Variants in NUP62CL observed in about 807,000 individuals in gnomAD.
NUP62CL encodes nucleoporin 62 C-terminal like, also known as nucleoporin-62 C-terminal-like protein.
NUP62CL carries 13 observed loss-of-function variants against 15.3 expected under a neutral mutation model. That is an observed-to-expected ratio of 0.85 (90% CI 0.55 to 1.35). NUP62CL has a LOEUF of 1.35. Ranked by LOEUF, NUP62CL falls within the 40% of genes most tolerant of loss-of-function variation. NUP62CL has a pLI of 0.00. For synonymous variants in NUP62CL, 54 were observed against 49.2 expected (o/e 1.10, Z -0.41); for missense variants, 123 against 130.6 (o/e 0.94, Z 0.28).
At chrX:107,126,799 C>T (rs968380086) in intron 8 of NUP62CL, among the ~76,000 whole-genome samples, 11 of 112,086 alleles carry the variant, frequency 9.8e-5, no homozygotes, top group African/African-American at 3.2e-4. Flanking sequence ...TTTGGGGGGC[C>T]GAGGCAAGAG....
chrX:107,128,253 G>A (rs923494792), intron 8 of NUP62CL, among the ~76,000 whole-genome samples: 2 of 111,888 alleles, frequency 1.8e-5, no homozygotes, highest in African/African-American at 6.5e-5. Context: ...CTAACAATGG[G>A]CTATTAACTA....
In NUP62CL at chrX:107,190,346, A is replaced by T. The variant is rs190934317; in HGVS notation, c.-48+2683T>A. On this transcript the variant is annotated intron_variant, in intron 2 of 8. Coordinates refer to ENST00000372466, the MANE Select transcript of NUP62CL (RefSeq NM_017681.3). ...TTCATTTCAGAAGTTTTAAGAGAGG[A>T]AGAAAAACAATCAACAGATTGTGAA... Among the ~76,000 whole-genome samples the T allele has an allele frequency of 4.2e-4, 47 of 112,263 alleles. No homozygotes were observed. In the East Asian group the frequency reaches 0.012, roughly 29 times the overall value.
At position 107,175,105 on chromosome X, in the gene NUP62CL, A is replaced by G. The variant is rs185825363; in HGVS notation, c.42T>C (p.Ala14=). 3.0e-5 allele frequency: 36 copies of G among 1,204,940 alleles called. No individual in the cohort carries two copies. The East Asian group carries it at 1.1e-3, about 36-fold the overall frequency. Residue 14 remains alanine, a synonymous_variant, in exon 3 of 9, where the codon GCT becomes GCC. Transcript: ENST00000372466. ...TSISNSLTST[A]AIGLSFTTST... is the part of the protein sequence containing the mutation. ...GTAACTTACATGAGAGCCCAATAGC[A>G]GCAGTGGAGGTCAAAGAATTTGATA...
At position 107,134,255 on chromosome X, in the gene NUP62CL, A is replaced by G. The variant is rs138699670; in HGVS notation, c.*43-9923T>C. ...GTGCTAGTTTATATTTTTTAAGTAAATTATTCACACCCTTTGATACTTTGT... is the reference window on the plus strand; with the variant it reads ...GTGCTAGTTTATATTTTTTAAGTAAGTTATTCACACCCTTTGATACTTTGT... On this transcript the variant is annotated intron_variant, in intron 8 of 8. Transcript: ENST00000372466. Among the ~76,000 whole-genome samples the G allele has an allele frequency of 4.5e-3, 508 of 111,880 alleles. 4 individuals carry two copies. The highest frequency in any genetic ancestry group is 0.015 in the African/African-American group (476 of 30,738).
chrX:107,201,897 G>A (rs1413308949), intron 1 of NUP62CL, among the ~76,000 whole-genome samples: 1 of 111,031 alleles, frequency 9.0e-6, no homozygotes, highest in African/African-American at 3.3e-5. Flanking sequence ...AAGATCACGT[G>A]GCTGCACTCC....
At chrX:107,201,052 A>G (rs1167461878) in intron 1 of NUP62CL, among the ~76,000 whole-genome samples, 1 of 111,846 alleles carries the variant, frequency 8.9e-6, no homozygotes, top group African/African-American at 3.2e-5. Context: ...AGATCTGGCT[A>G]ATATAACTTA....
At chrX:107,142,195 T>G (rs1165573604) in intron 8 of NUP62CL, among the ~76,000 whole-genome samples, 1 of 111,572 alleles carries the variant, frequency 9.0e-6, no homozygotes, top group Non-Finnish European at 1.9e-5. Context: ...AAAGTATGAT[T>G]ATTACATATC....
Position 107,134,654 on chromosome X carries a change from G to A in NUP62CL, c.*43-10322C>T, listed in dbSNP as rs750347805. Reference sequence around the variant, plus strand: ...TTTTTTGTAGAGACGGGGTTTTGTCGTGTTGCCCAGGCTGGTGTCGGACTC... The same window carrying A: ...TTTTTTGTAGAGACGGGGTTTTGTCATGTTGCCCAGGCTGGTGTCGGACTC... On this transcript the variant is annotated intron_variant, in intron 8 of 8. Coordinates refer to ENST00000372466, the MANE Select transcript of NUP62CL (RefSeq NM_017681.3). Among the ~76,000 whole-genome samples the A allele has an allele frequency of 1.4e-4, 15 of 109,722 alleles. No individual in the cohort carries two copies. In the South Asian group the frequency reaches 6.1e-3, roughly 44 times the overall value.
intron 4 of NUP62CL, among the ~76,000 whole-genome samples, chrX:107,157,929 G>A (rs1391225366): frequency 3.7e-5 from 4 of 108,270 alleles, no homozygotes; most frequent in South Asian, 4.2e-4. Flanking sequence ...AAAGGATGGA[G>A]GAAGATCTAC....
At chrX:107,137,197 AAAAC>A (rs1302158589) in intron 8 of NUP62CL, among the ~76,000 whole-genome samples, 2 of 112,171 alleles carry the variant, frequency 1.8e-5, no homozygotes, top group Non-Finnish European at 3.8e-5. Flanking sequence ...TGTTCATGGT[AAAAC>A]AAACAAACAA....
chrX:107,198,659 A>G (rs1379984188), intron 1 of NUP62CL, among the ~76,000 whole-genome samples: 1 of 111,220 alleles, frequency 9.0e-6, no homozygotes, highest in Non-Finnish European at 1.9e-5. Flanking sequence ...CGAACCCACC[A>G]GGAGGAATGA....
chrX:107,200,797 G>C (rs1927466252), intron 1 of NUP62CL, among the ~76,000 whole-genome samples: 1 of 109,265 alleles, frequency 9.2e-6, no homozygotes, highest in Admixed American at 9.9e-5. Context: ...GGAGAGGAGA[G>C]AGAGTAAAAT....
At chrX:107,131,795 T>G in intron 8 of NUP62CL, 1 of 1,130,412 alleles carries the variant, frequency 8.8e-7, no homozygotes, top group Non-Finnish European at 1.2e-6. Flanking sequence ...AGGCCCATTC[T>G]GCAAGTGGAC....
chrX:107,175,562 G>A (rs984291504), intron 2 of NUP62CL, among the ~76,000 whole-genome samples: 3 of 111,460 alleles, frequency 2.7e-5, no homozygotes, highest in Non-Finnish European at 5.7e-5. Context: ...TCTTTAAATC[G>A]GAAATGGCTG....
At chrX:107,153,112 G>A in intron 7 of NUP62CL, 60 bp downstream of exon 7, 1 of 1,073,392 alleles carries the variant, frequency 9.3e-7, no homozygotes, top group East Asian at 3.3e-5. Context: ...CTCTGTTCCT[G>A]GAATGCTCTC....
intron 2 of NUP62CL, among the ~76,000 whole-genome samples, chrX:107,178,694 T>A (rs1244189740): frequency 9.0e-6 from 1 of 111,721 alleles, no homozygotes; most frequent in Non-Finnish European, 1.9e-5. Flanking sequence ...AACATCTAGG[T>A]CCTCTGGGGG....
intron 4 of NUP62CL, among the ~76,000 whole-genome samples, chrX:107,155,766 T>C (rs756334323): frequency 2.7e-5 from 3 of 112,115 alleles, no homozygotes; most frequent in South Asian, 7.5e-4. Flanking sequence ...TTACCTATCA[T>C]AGGGGAGGAG....
chrX:107,148,440 T>C (rs1042085447), intron 7 of NUP62CL, among the ~76,000 whole-genome samples: 1 of 111,426 alleles, frequency 9.0e-6, no homozygotes, highest in Non-Finnish European at 1.9e-5. Flanking sequence ...ATTAAATAGA[T>C]CATGGTAAAG....
intron 8 of NUP62CL, among the ~76,000 whole-genome samples, chrX:107,136,398 G>A (rs1285565): frequency 0.37 from 40,914 of 110,619 alleles, 8,122 homozygotes; most frequent in African/African-American, 0.77. Context: ...GAATAGTCCT[G>A]GAAACATTAA....
Sources: gnomAD v4.1 joint callset for allele counts (sites outside exome capture counted in the v4.1 genomes callset) on GRCh38, gnomAD v4.1.1 for gene constraint, MANE v1.5 for transcripts, NCBI Gene and HGNC (gene_info 2026-07-23, HGNC 2026-07-21) for gene names.